Variants in RIN2 observed in about 807,000 individuals in gnomAD.
RIN2 encodes Ras and Rab interactor 2.
In RIN2, 36 loss-of-function variants were observed where a neutral mutation model predicts 78.0. The observed-to-expected ratio is 0.46, with a 90% CI of 0.35 to 0.61. The LOEUF is 0.61. Among genes scored for constraint, RIN2 ranks in the 20% least tolerant of loss-of-function variants. The pLI is 0.00. For missense variants in RIN2, 1,087 were observed against 1,159.7 expected, an observed-to-expected ratio of 0.94 and a Z score of 0.91; for synonymous variants, 466 against 466.8, an observed-to-expected ratio of 1.00 and a Z score of 0.02.
At chr20:19,912,814 C>G (rs1600778111) in intron 3 of RIN2, among the ~76,000 whole-genome samples, 1 of 152,182 alleles carries the variant, frequency 6.6e-6, no homozygotes, top group East Asian at 1.9e-4. Flanking sequence ...TTTGGGTGAA[C>G]AGCAGGTTTT....
At chr20:19,953,990 A>T (rs549709313) in intron 4 of RIN2, among the ~76,000 whole-genome samples, 1 of 152,360 alleles carries the variant, frequency 6.6e-6, no homozygotes, top group East Asian at 1.9e-4. Context: ...GAGAAGAAAT[A>T]AAAAGATAAA....
chr20:19,758,932 G>A (rs2033506768), intron 1 of RIN2, among the ~76,000 whole-genome samples: 1 of 152,228 alleles, frequency 6.6e-6, no homozygotes, highest in Non-Finnish European at 1.5e-5. Context: ...CCGGGCAGGG[G>A]GCACTTGGGC....
intron 3 of RIN2, among the ~76,000 whole-genome samples, chr20:19,920,610 C>T (rs975845589): frequency 2.0e-5 from 3 of 152,228 alleles, no homozygotes; most frequent in Admixed American, 1.3e-4. Context: ...TGTGAGCATG[C>T]GCCAAATTGA....
chr20:19,990,053 A>C lies in RIN2; in HGVS notation c.1810A>C (p.Lys604Gln). ...GCACAAGTGCATCTTGAAGCCCCTC[A>C]AGGGGCACGTGGAGGCCATGCTGAA... ...AMHKCILKPL[K>Q]GHVEAMLKDF... Residue 604 changes from lysine to glutamine, a missense_variant, in exon 10 of 13, where the codon AAG (lysine) becomes CAG (glutamine). Transcript: ENST00000255006. The C allele has an allele frequency of 6.3e-7, 1 of 1,599,958 alleles. No individual in the cohort carries two copies. The highest frequency in any genetic ancestry group is 8.5e-7 in the Non-Finnish European group (1 of 1,172,544).
Position 20,000,906 on chromosome 20 carries a change from G to C in RIN2, c.2658G>C (p.Gln886His). 8.7e-6 allele frequency: 14 copies of C among 1,612,738 alleles called. No homozygotes were observed. The highest frequency in any genetic ancestry group is 1.1e-5 in the Non-Finnish European group (13 of 1,179,266). ...IKNDPYGIIF[Q>H]NGEEDLTTS ...ACGATCCTTATGGCATCATTTTCCA[G>C]AACGGGGAAGAAGACCTCACCACCT... Residue 886 changes from glutamine (Q) to histidine (H), a missense_variant, in exon 13 of 13, where the codon CAG becomes CAC. Gln to His is a conservative substitution (Grantham distance 24). Coordinates refer to ENST00000255006, the MANE Select transcript of RIN2 (RefSeq NM_018993.4).
At chr20:19,838,206 G>A (rs1004878649) in intron 2 of RIN2, among the ~76,000 whole-genome samples, 25 of 152,112 alleles carry the variant, frequency 1.6e-4, no homozygotes, top group Admixed American at 8.5e-4. Context: ...TCTAAGATCA[G>A]TCATACTACA....
At chr20:19,786,508 G>C (rs6046318) in intron 1 of RIN2, among the ~76,000 whole-genome samples, 5,879 of 152,224 alleles carry the variant, frequency 0.039, 407 homozygotes, top group African/African-American at 0.14. Flanking sequence ...TTTTGTTCCA[G>C]TTCCAGTTAC....
chr20:19,931,444 T>C (rs2040435354), intron 3 of RIN2, among the ~76,000 whole-genome samples: 1 of 152,208 alleles, frequency 6.6e-6, no homozygotes, highest in South Asian at 2.1e-4. Context: ...TCTGGCCTAA[T>C]AATATATTTT....
At chr20:19,965,791 T>C (rs1022077378) in intron 7 of RIN2, among the ~76,000 whole-genome samples, 9 of 152,132 alleles carry the variant, frequency 5.9e-5, no homozygotes, top group Non-Finnish European at 1.2e-4. Context: ...TTTGTATTTT[T>C]AGTAGAGACG....
intron 12 of RIN2, among the ~76,000 whole-genome samples, chr20:19,997,674 G>A (rs1023712985): frequency 6.6e-5 from 10 of 151,916 alleles, no homozygotes; most frequent in Admixed American, 3.3e-4. Context: ...CAGGAGAATC[G>A]CTTGAACCCA....
intron 3 of RIN2, 127 bp downstream of exon 3, chr20:19,889,785 C>T: frequency 1.5e-6 from 1 of 653,960 alleles, no homozygotes; most frequent in South Asian, 2.8e-5. Flanking sequence ...GGGAGCTTGC[C>T]CGAGCCCAGC....
At chr20:19,925,181 A>G (rs887906362) in intron 3 of RIN2, among the ~76,000 whole-genome samples, 5 of 151,684 alleles carry the variant, frequency 3.3e-5, no homozygotes, top group African/African-American at 1.2e-4. Flanking sequence ...AACCCAGGGT[A>G]TAGTGCTTAA....
At chr20:19,791,328 A>G (rs2034883759) in intron 1 of RIN2, among the ~76,000 whole-genome samples, 1 of 152,358 alleles carries the variant, frequency 6.6e-6, no homozygotes, top group South Asian at 2.1e-4. Context: ...CTAAAATACA[A>G]TTCTGTGGAT....
At chr20:19,806,111 A>G (rs1221385386) in intron 2 of RIN2, among the ~76,000 whole-genome samples, 1 of 152,182 alleles carries the variant, frequency 6.6e-6, no homozygotes, top group Non-Finnish European at 1.5e-5. Context: ...TTCTTTATCC[A>G]GTCTATCATT....
intron 9 of RIN2, among the ~76,000 whole-genome samples, chr20:19,980,937 G>A (rs762264497): frequency 3.3e-5 from 5 of 152,206 alleles, no homozygotes; most frequent in Admixed American, 6.5e-5. Context: ...CCCAGGTGAA[G>A]TCACAGCCAC....
intron 1 of RIN2, among the ~76,000 whole-genome samples, chr20:19,769,612 A>C (rs2034035986): frequency 2.0e-5 from 3 of 152,204 alleles, no homozygotes; most frequent in Admixed American, 2.0e-4. Context: ...GAGATGAAGC[A>C]CGTTGTTGTT....
At chr20:19,934,352 G>A (rs1402658495) in intron 3 of RIN2, 6 of 348,908 alleles carry the variant, frequency 1.7e-5, no homozygotes, top group Admixed American at 6.5e-5. Flanking sequence ...TGCCTAGTAC[G>A]CGCCAGGAAA....
At chr20:19,994,425 A>G (rs2042893323) in intron 11 of RIN2, among the ~76,000 whole-genome samples, 1 of 152,216 alleles carries the variant, frequency 6.6e-6, no homozygotes, top group Non-Finnish European at 1.5e-5. Flanking sequence ...ATTCTCATTT[A>G]CCAAAAAGGC....
chr20:19,859,438 A>G (rs750748910), intron 2 of RIN2, among the ~76,000 whole-genome samples: 10 of 152,308 alleles, frequency 6.6e-5, no homozygotes, highest in Middle Eastern at 3.4e-3. Context: ...TGTGCATAAA[A>G]TGCCAATTTC....
Sources: gnomAD v4.1 joint callset for allele counts (sites outside exome capture counted in the v4.1 genomes callset) on GRCh38, gnomAD v4.1.1 for gene constraint, MANE v1.5 for transcripts, NCBI Gene and HGNC (gene_info 2026-07-23, HGNC 2026-07-21) for gene names.